Variants in GRIP1 observed in about 807,000 individuals in gnomAD.
GRIP1 encodes glutamate receptor interacting protein 1.
GRIP1 carries 45 observed loss-of-function variants against 129.9 expected under a neutral mutation model. The observed-to-expected ratio is 0.35, with a 90% CI of 0.27 to 0.44. The LOEUF (loss-of-function observed/expected upper bound fraction) is 0.44. Ranked by LOEUF, GRIP1 falls within the 20% of genes least tolerant of loss-of-function variation. The pLI is 1.00. For missense variants in GRIP1, 1,196 were observed against 1,396.8 expected, an observed-to-expected ratio of 0.86 and a Z score of 2.29; for synonymous variants, 530 against 520.8, an observed-to-expected ratio of 1.02 and a Z score of -0.24.
intron 1 of GRIP1, among the ~76,000 whole-genome samples, chr12:66,811,317 G>T (rs972467544): frequency 1.3e-5 from 2 of 152,112 alleles, no homozygotes; most frequent in Non-Finnish European, 2.9e-5. Flanking sequence ...CTATTATAAG[G>T]ATTTCAAAAA....
At chr12:66,417,689 C>A (rs2057657626) in intron 15 of GRIP1, among the ~76,000 whole-genome samples, 1 of 152,006 alleles carries the variant, frequency 6.6e-6, no homozygotes, top group Non-Finnish European at 1.5e-5. Flanking sequence ...ATCCCTTTTA[C>A]AAGAGCCACA....
intron 23 of GRIP1, among the ~76,000 whole-genome samples, chr12:66,371,326 T>C (rs2055482898): frequency 6.6e-6 from 1 of 152,000 alleles, no homozygotes; most frequent in East Asian, 1.9e-4. Flanking sequence ...GCCTGGCTAA[T>C]TTTTGTATTT....
At chr12:66,957,223 C>T (rs959860191) in intron 1 of GRIP1, among the ~76,000 whole-genome samples, 1 of 151,998 alleles carries the variant, frequency 6.6e-6, no homozygotes, top group East Asian at 1.9e-4. Context: ...CATGAAGACA[C>T]AACGAGAAGA....
At chr12:66,467,081 C>T (rs1401163484) in intron 7 of GRIP1, among the ~76,000 whole-genome samples, 1 of 152,170 alleles carries the variant, frequency 6.6e-6, no homozygotes, top group Non-Finnish European at 1.5e-5. Flanking sequence ...CACCATGTTT[C>T]CTAACTGACT....
At chr12:66,575,602 G>T (rs1412413994) in intron 2 of GRIP1, among the ~76,000 whole-genome samples, 1 of 152,186 alleles carries the variant, frequency 6.6e-6, no homozygotes, top group Non-Finnish European at 1.5e-5. Flanking sequence ...CTCCTAGAAA[G>T]AATAGATCCT....
intron 1 of GRIP1, among the ~76,000 whole-genome samples, chr12:66,885,327 G>A (rs968501836): frequency 1.3e-5 from 2 of 152,204 alleles, no homozygotes; most frequent in Admixed American, 6.5e-5. Flanking sequence ...CACCTGCAGA[G>A]CAGGGAGGGG....
chr12:66,446,091 C>T (rs2058617144), intron 11 of GRIP1, among the ~76,000 whole-genome samples: 1 of 118,586 alleles, frequency 8.4e-6, no homozygotes, highest in Admixed American at 7.4e-5. Flanking sequence ...GTACATTCCT[C>T]CTGCCGCCCC....
intron 7 of GRIP1, among the ~76,000 whole-genome samples, chr12:66,468,463 C>A (rs113533070): frequency 1.3e-5 from 2 of 152,170 alleles, no homozygotes; most frequent in Admixed American, 6.5e-5. Flanking sequence ...GAGAGGACTG[C>A]GCCAATGTAT....
chr12:66,472,945 C>A (rs1375078189), intron 7 of GRIP1, among the ~76,000 whole-genome samples: 1 of 151,948 alleles, frequency 6.6e-6, no homozygotes, highest in African/African-American at 2.4e-5. Flanking sequence ...TTTTTCATAC[C>A]CCAGTGGTGC....
chr12:66,684,864 GAACAA>G (rs1196599789), intron 1 of GRIP1, among the ~76,000 whole-genome samples: 4 of 151,860 alleles, frequency 2.6e-5, no homozygotes, highest in Admixed American at 6.6e-5. Context: ...AAATGAAATG[GAACAA>G]AACGAAACGA....
At chr12:66,530,178 A>C (rs928712740) in intron 4 of GRIP1, among the ~76,000 whole-genome samples, 1 of 152,234 alleles carries the variant, frequency 6.6e-6, no homozygotes, top group African/African-American at 2.4e-5. Flanking sequence ...GTTCGTTTCT[A>C]GATAAGAGGG....
At chr12:67,004,004 C>CA (rs2042590446) in intron 1 of GRIP1, among the ~76,000 whole-genome samples, 5 of 152,156 alleles carry the variant, frequency 3.3e-5, no homozygotes, top group African/African-American at 1.2e-4. Context: ...CAGCATCATT[C>CA]TAACTGATGC....
At chr12:66,450,753 T>C (rs1459224527) in intron 11 of GRIP1, among the ~76,000 whole-genome samples, 1 of 152,164 alleles carries the variant, frequency 6.6e-6, no homozygotes, top group Non-Finnish European at 1.5e-5. Flanking sequence ...ATGTATTGAT[T>C]AGTTACACAT....
chr12:66,624,746 T>C (rs1264376256), intron 1 of GRIP1, among the ~76,000 whole-genome samples: 1 of 152,192 alleles, frequency 6.6e-6, no homozygotes, highest in Non-Finnish European at 1.5e-5. Context: ...GTAGCACATC[T>C]GTAAAAGATG....
chr12:66,439,708 A>G (rs1186164106), intron 13 of GRIP1, among the ~76,000 whole-genome samples: 1 of 152,238 alleles, frequency 6.6e-6, no homozygotes, highest in Non-Finnish European at 1.5e-5. Flanking sequence ...CAGGCCACAG[A>G]GCAAGCATTT....
intron 11 of GRIP1, among the ~76,000 whole-genome samples, chr12:66,447,119 T>C (rs1449034211): frequency 6.6e-6 from 1 of 152,230 alleles, no homozygotes; most frequent in East Asian, 1.9e-4. Context: ...CCTGGCCTCA[T>C]GTGGGGATCT....
intron 1 of GRIP1, among the ~76,000 whole-genome samples, chr12:66,822,448 C>G (rs1286805407): frequency 6.6e-6 from 1 of 152,210 alleles, no homozygotes; most frequent in Non-Finnish European, 1.5e-5. Flanking sequence ...TTGGAGATTT[C>G]TCAAAGAACT....
intron 7 of GRIP1, among the ~76,000 whole-genome samples, chr12:66,469,517 G>A (rs938858020): frequency 6.6e-6 from 1 of 152,142 alleles, no homozygotes; most frequent in Non-Finnish European, 1.5e-5. Flanking sequence ...AGTTTGGAGG[G>A]ATGGCTTCCA....
intron 16 of GRIP1, among the ~76,000 whole-genome samples, chr12:66,400,708 C>G (rs1446019838): frequency 6.6e-6 from 1 of 152,026 alleles, no homozygotes; most frequent in Admixed American, 6.5e-5. Flanking sequence ...ATTCCCCAAA[C>G]CAAGCGAGAA....
Sources: allele counts gnomAD v4.1 joint callset (sites outside exome capture counted in the v4.1 genomes callset), GRCh38; gene constraint gnomAD v4.1.1; transcripts MANE v1.5; gene names NCBI Gene and HGNC (gene_info 2026-07-23, HGNC 2026-07-21).